GALNT13: variants seen among roughly 807,000 people sequenced by gnomAD.
GALNT13 encodes the protein UDP-GalNAc:polypeptide N-acetylgalactosaminyltransferase 13.
A neutral mutation model predicts 64.2 loss-of-function variants in GALNT13; 28 were observed. That is an observed-to-expected ratio of 0.44 (90% CI 0.32 to 0.60). The LOEUF (loss-of-function observed/expected upper bound fraction) is 0.60. GALNT13 is among the 20% of genes least tolerant of loss of function. The pLI, the probability that GALNT13 is intolerant of heterozygous loss-of-function variation, is 0.05. For missense variants in GALNT13, 577 were observed against 669.8 expected, an observed-to-expected ratio of 0.86 and a Z score of 1.53; for synonymous variants, 214 against 224.6, an observed-to-expected ratio of 0.95 and a Z score of 0.42.
chr2:154,004,623 G>A (rs772606090), intron 3 of GALNT13, among the ~76,000 whole-genome samples: 2 of 152,098 alleles, frequency 1.3e-5, no homozygotes, highest in East Asian at 1.9e-4. Flanking sequence ...TGTTTTGATC[G>A]ACAGCTAGTA....
chr2:153,194,332 T>C, the GALNT13 span, among the ~76,000 whole-genome samples: 1 of 152,218 alleles, frequency 6.6e-6, no homozygotes, highest in African/African-American at 2.4e-5. Flanking sequence ...TTGAAAGACC[T>C]GTCTTCATGT....
At chr2:153,648,691 G>T in the GALNT13 span, among the ~76,000 whole-genome samples, 2 of 152,090 alleles carry the variant, frequency 1.3e-5, no homozygotes, top group African/African-American at 4.8e-5. Flanking sequence ...GTTGAATTTT[G>T]TTGAAGGCCT....
intron 9 of GALNT13, among the ~76,000 whole-genome samples, chr2:154,318,289 A>G (rs1022683267): frequency 6.6e-6 from 1 of 152,224 alleles, no homozygotes; most frequent in Non-Finnish European, 1.5e-5. Context: ...AGGAATTTAA[A>G]TATTCCAAAA....
chr2:153,991,718 G>A (rs576560721), intron 3 of GALNT13, among the ~76,000 whole-genome samples: 37 of 152,114 alleles, frequency 2.4e-4, no homozygotes, highest in Non-Finnish European at 4.7e-4. Flanking sequence ...GGTTAAAGGG[G>A]ATAGGCTTGA....
At chr2:153,624,721 T>C in the GALNT13 span, among the ~76,000 whole-genome samples, 1 of 151,970 alleles carries the variant, frequency 6.6e-6, no homozygotes, top group Non-Finnish European at 1.5e-5. Context: ...TTTCAAACCT[T>C]GTGGTCTGCT....
chr2:153,526,296 G>A, the GALNT13 span, among the ~76,000 whole-genome samples: 1 of 152,248 alleles, frequency 6.6e-6, no homozygotes, highest in South Asian at 2.1e-4. Flanking sequence ...CAATCCTAGT[G>A]GTGGCCACAG....
At chr2:153,720,047 A>G in the GALNT13 span, among the ~76,000 whole-genome samples, 1 of 149,276 alleles carries the variant, frequency 6.7e-6, no homozygotes, top group African/African-American at 2.4e-5. Context: ...ACCTCTGCAG[A>G]CTTAAATGTC....
chr2:153,316,639 C>CAAAAAAAAAAAAAAA, the GALNT13 span, among the ~76,000 whole-genome samples: 2,633 of 69,446 alleles, frequency 0.038, 200 homozygotes, highest in African/African-American at 0.039. Context: ...GACTCCGTCT[C>CAAAAAAAAAAAAAAA]AAAAAAAAAA....
the GALNT13 span, among the ~76,000 whole-genome samples, chr2:153,091,254 A>T: frequency 1.3e-5 from 2 of 152,138 alleles, no homozygotes; most frequent in Non-Finnish European, 2.9e-5. Context: ...ATAGTCAGAG[A>T]TAGCTTCCCT....
chr2:154,366,643 G>A (rs1697376824), intron 9 of GALNT13, among the ~76,000 whole-genome samples: 1 of 152,152 alleles, frequency 6.6e-6, no homozygotes, highest in Non-Finnish European at 1.5e-5. Flanking sequence ...TTAATCAGGT[G>A]AGAATTCTCA....
chr2:153,577,920 T>A, the GALNT13 span, among the ~76,000 whole-genome samples: 16 of 151,092 alleles, frequency 1.1e-4, no homozygotes, highest in South Asian at 2.1e-4. Flanking sequence ...ATATATATAT[T>A]TTTAAACACA....
chr2:153,962,504 G>A (rs991173321), intron 3 of GALNT13, among the ~76,000 whole-genome samples: 8 of 152,080 alleles, frequency 5.3e-5, no homozygotes, highest in African/African-American at 1.9e-4. Flanking sequence ...AAATAATAAA[G>A]TAATAATGGA....
chr2:154,365,752 A>G (rs1287223673), intron 9 of GALNT13, among the ~76,000 whole-genome samples: 1 of 152,180 alleles, frequency 6.6e-6, no homozygotes, highest in Admixed American at 6.5e-5. Flanking sequence ...CAGTAAATAT[A>G]ATTAGATTGA....
At chr2:153,797,417 T>C in the GALNT13 span, among the ~76,000 whole-genome samples, 1 of 152,192 alleles carries the variant, frequency 6.6e-6, no homozygotes, top group Non-Finnish European at 1.5e-5. Context: ...TGAACTATTC[T>C]CCACACTGAC....
rs975274693 is a variant in GALNT13 at position 154,344,185 on chromosome 2, G to A, written c.1156+42596G>A. Reference sequence around the variant, plus strand: ...TTCTGCTTTTAAAACACAAAAGACTGTTTGCAAATTGCATAATCACATAGT... The same window carrying A: ...TTCTGCTTTTAAAACACAAAAGACTATTTGCAAATTGCATAATCACATAGT... On this transcript the variant is annotated intron_variant, in intron 9 of 12. Transcript: ENST00000392825. Among the ~76,000 whole-genome samples the A allele has an allele frequency of 1.4e-4, 21 of 151,958 alleles. 1 individual carries two copies. Among genetic ancestry groups the A allele is most frequent in the African/African-American group, 4.6e-4 (19 of 41,414 alleles).
At chr2:153,699,781 A>G in the GALNT13 span, among the ~76,000 whole-genome samples, 1 of 152,146 alleles carries the variant, frequency 6.6e-6, no homozygotes, top group African/African-American at 2.4e-5. Context: ...ACCTCCCAAG[A>G]CTAAACCAGG....
the GALNT13 span, among the ~76,000 whole-genome samples, chr2:153,837,083 A>G: frequency 1.3e-5 from 2 of 148,984 alleles, no homozygotes; most frequent in African/African-American, 4.9e-5. Flanking sequence ...GAATCGCCAC[A>G]CTGACTTCCA....
At chr2:153,194,156 T>G in the GALNT13 span, among the ~76,000 whole-genome samples, 17 of 152,184 alleles carry the variant, frequency 1.1e-4, no homozygotes, top group Non-Finnish European at 2.2e-4. Context: ...TTAGGAAGTT[T>G]CCAGGTATTA....
the GALNT13 span, among the ~76,000 whole-genome samples, chr2:153,839,252 T>C: frequency 6.6e-6 from 1 of 151,844 alleles, no homozygotes; most frequent in Non-Finnish European, 1.5e-5. Context: ...TATTTTACTT[T>C]TTTTTCTTGC....
Sources: allele counts gnomAD v4.1 joint callset (sites outside exome capture counted in the v4.1 genomes callset), GRCh38; gene constraint gnomAD v4.1.1; transcripts MANE v1.5; gene names NCBI Gene and HGNC (gene_info 2026-07-23, HGNC 2026-07-21).